The following ZSCAN31 variants were observed in gnomAD, a reference collection of about 807,000 sequenced individuals.
The protein encoded by ZSCAN31 is zinc finger and SCAN domain-containing protein 31.
In ZSCAN31, 14 loss-of-function variants were observed where a neutral mutation model predicts 22.5. The ratio of observed to expected loss-of-function variants is 0.62; its 90% CI spans 0.41 to 0.97. The LOEUF is 0.97. Ranked by LOEUF, ZSCAN31 falls within the 50% of genes least tolerant of loss-of-function variation. ZSCAN31 has a pLI of 0.00. For synonymous variants in ZSCAN31, 168 were observed against 169.8 expected, an observed-to-expected ratio of 0.99 and a Z score of 0.08; for missense variants, 424 against 483.4, an observed-to-expected ratio of 0.88 and a Z score of 1.15.
At chr6:28,339,750 C>G (rs374018478), upstream of ZSCAN31, among the ~76,000 whole-genome samples, 1 of 152,180 alleles carries the variant, frequency 6.6e-6, no homozygotes, top group Non-Finnish European at 1.5e-5. Flanking sequence ...CTAAAATTCT[C>G]TATTGTTATT....
intron 3 of ZSCAN31, among the ~76,000 whole-genome samples, chr6:28,341,227 C>G (rs1764399458): frequency 6.6e-6 from 1 of 152,194 alleles, no homozygotes; most frequent in Non-Finnish European, 1.5e-5. Context: ...TCACTTTACA[C>G]AATGTCTTAG....
At position 28,325,925 on chromosome 6, in the gene ZSCAN31, C is replaced by A. The variant is rs1467012319; in HGVS notation, c.*241G>T. ...AAGAAGGCCACCCAGCAACCCCCTA[C>A]AATCACAGTCATCCACACAGGAGAC... On this transcript the variant is annotated 3_prime_UTR_variant, in exon 4 of 4. Transcript: ENST00000344279. The A allele has an allele frequency of 1.1e-5, 4 of 367,110 alleles. No individual in the cohort carries two copies. The highest frequency in any genetic ancestry group is 8.1e-5 in the African/African-American group (4 of 49,268). 22.7% of individuals were successfully genotyped at this position (367,110 alleles called of 1,614,324 possible).
chr6:28,326,457 G>A lies in ZSCAN31; in HGVS notation c.930C>T (p.Leu310=). ...CTGTGTGGATTCTTCTGTGTCGAGT[G>A]AGGCCATTGCTGGCACTGAAGGCTT... The part of the protein sequence containing the change: ...CGKAFSASNG[L]TRHRRIHTGE... Residue 310 remains leucine, a synonymous_variant, in exon 4 of 4, where the codon CTC becomes CTT. Coordinates refer to ENST00000344279, the MANE Select transcript of ZSCAN31 (RefSeq NM_030899.5). 1 of 1,613,932 alleles carries A rather than the reference G, an allele frequency of 6.2e-7. No homozygotes were observed. The highest frequency in any genetic ancestry group is 1.1e-5 in the South Asian group (1 of 91,072).
chr6:28,344,868 G>A (rs192369572), intron 2 of ZSCAN31, among the ~76,000 whole-genome samples: 27 of 151,892 alleles, frequency 1.8e-4, no homozygotes, highest in African/African-American at 6.3e-4. Flanking sequence ...GGTGGCTCAC[G>A]CCTGTAATCC....
At chr6:28,337,514 A>G (rs535193250), upstream of ZSCAN31, among the ~76,000 whole-genome samples, 9 of 152,130 alleles carry the variant, frequency 5.9e-5, no homozygotes, top group Non-Finnish European at 1.3e-4. Flanking sequence ...AATAGAGAAG[A>G]CAGATAATAC....
In ZSCAN31 at chr6:28,326,378, A is replaced by G. The variant is rs1362198595; in HGVS notation, c.1009T>C (p.Cys337Arg). ...VCGKAFLLSSCLVQHQRIHTG... is the reference protein window; with the variant it reads ...VCGKAFLLSSRLVQHQRIHTG... ...TGTATCCTCTGATGCTGAACAAGGC[A>G]TGAGCTGAGGAGGAAAGCCTTCCCA... Residue 337 changes from cysteine to arginine, a missense_variant, in exon 4 of 4, where the codon TGC (cysteine) becomes CGC (arginine). Physicochemically the swap from Cys to Arg is radical, Grantham distance 180 (BLOSUM62 -3). Coordinates refer to ENST00000344279, the MANE Select transcript of ZSCAN31 (RefSeq NM_030899.5). 4 of 1,614,200 alleles carry G rather than the reference A, an allele frequency of 2.5e-6. No homozygotes were observed. Among genetic ancestry groups the G allele is most frequent in the Non-Finnish European group, 3.4e-6 (4 of 1,180,032 alleles).
rs376267017 is a variant in ZSCAN31, at chr6:28,326,798, C to T, written c.589G>A (p.Glu197Lys). The T allele has an allele frequency of 1.9e-6, 3 of 1,613,286 alleles. No homozygotes were observed. The African/African-American group carries it at 4.0e-5, about 22-fold the overall frequency. ...ELASKQEILK[E>K]MEHLGDSKLQ... ...TTGCTATCCCCCAAATGTTCCATTT[C>T]TTTTAAGATTTCTTGCTTTGATGCC... Residue 197 changes from glutamate (E) to lysine (K), a missense_variant, in exon 4 of 4, where the codon GAA becomes AAA. Coordinates refer to ENST00000344279, the MANE Select transcript of ZSCAN31 (RefSeq NM_030899.5).
At chr6:28,327,306 C>T (rs1440470537) in intron 3 of ZSCAN31, 77 bp downstream of exon 3, 1 of 1,524,208 alleles carries the variant, frequency 6.6e-7, no homozygotes, top group Non-Finnish European at 8.9e-7. Context: ...CAATTTAGCC[C>T]CAGAGTCCAC....
chr6:28,325,482 A>G lies in ZSCAN31; in HGVS notation c.*684T>C, dbSNP rs1208667764. ...TGTCAAACTCATATTAACTCATGAT[A>G]TCAACATATATATTGATTCGTATCA... On this transcript the variant is annotated 3_prime_UTR_variant, in exon 4 of 4. Transcript: ENST00000344279. The G allele has an allele frequency of 6.6e-6, 1 of 152,106 alleles. No homozygotes were observed. The highest frequency in any genetic ancestry group is 1.5e-5 in the Non-Finnish European group (1 of 68,024). The allele number at this position is 152,106 out of a possible 1,614,324, so 9.4% of individuals were successfully genotyped here.
In ZSCAN31 at chr6:28,329,360, C is replaced by T; in HGVS notation, c.324G>A (p.Glu108=). 1.9e-6 allele frequency: 3 copies of T among 1,612,820 alleles called. No homozygotes were observed. Among genetic ancestry groups the T allele is most frequent in the Non-Finnish European group, 2.5e-6 (3 of 1,179,424 alleles). ...WVREHHPESG[E]EAVAVVEDLE... ...GATCTTCAACTACAGCCACAGCCTC[C>T]TCCCCACTCTCCGGATGGTGCTCCC... Residue 108 remains glutamate (E), a synonymous_variant, in exon 2 of 4, where the codon GAG becomes GAA. Coordinates refer to ENST00000344279, the MANE Select transcript of ZSCAN31 (RefSeq NM_030899.5).
upstream of ZSCAN31, among the ~76,000 whole-genome samples, chr6:28,337,258 C>G (rs970469997): frequency 6.6e-6 from 1 of 152,208 alleles, no homozygotes; most frequent in Non-Finnish European, 1.5e-5. Context: ...ATCCAAAGAA[C>G]TGGGCTGATC....
chr6:28,356,174 A>C (rs183533685), upstream of ZSCAN31: 1 of 152,354 alleles, frequency 6.6e-6, no homozygotes, highest in East Asian at 1.9e-4. Flanking sequence ...CACCTGGGTC[A>C]GTTCCCAATC....
At position 28,324,739 on chromosome 6, in the gene ZSCAN31, T is replaced by C. The variant is rs748893699; in HGVS notation, c.*1427A>G. 25 of 152,224 alleles carry C rather than the reference T, an allele frequency of 1.6e-4. No individual in the cohort carries two copies. Among genetic ancestry groups the C allele is most frequent in the Non-Finnish European group, 2.9e-4 (20 of 68,028 alleles). 9.4% of individuals were successfully genotyped at this position (152,224 alleles called of 1,614,324 possible). The stretch of plus-strand genomic sequence containing the variant: ...AAAATAAACTTCAAAGCCAAAGGTT[T>C]AGGGCAGAACAGTTTTAAGCTGAAC... On this transcript the variant is annotated 3_prime_UTR_variant, in exon 4 of 4. Transcript: ENST00000344279. This position sits in a 1 kb window ranked among gnomAD's most constrained non-coding sequence, Gnocchi z 4.8.
intron 2 of ZSCAN31, among the ~76,000 whole-genome samples, chr6:28,343,012 G>C (rs537601503): frequency 1.3e-4 from 20 of 152,302 alleles, no homozygotes; most frequent in Non-Finnish European, 2.2e-4. Flanking sequence ...AGTTGACATT[G>C]ATACCTAGGT....
At chr6:28,345,492 G>A (rs1764608499) in intron 2 of ZSCAN31, among the ~76,000 whole-genome samples, 1 of 152,184 alleles carries the variant, frequency 6.6e-6, no homozygotes, top group Non-Finnish European at 1.5e-5. Context: ...ACAACTGAAT[G>A]TCCAACTTAC....
At position 28,351,465 on chromosome 6, in the gene ZSCAN31, G is replaced by A. The variant is rs1244089026; in HGVS notation, c.-371+2397C>T. Among the ~76,000 whole-genome samples, 1 of 152,122 alleles carries A rather than the reference G, an allele frequency of 6.6e-6. No homozygotes were observed. On this transcript the variant is annotated intron_variant, in intron 2 of 7. Transcript: ENST00000396838. The surrounding 1 kb of genome is among the most constrained non-coding windows in gnomAD (Gnocchi z 4.6). ...CAGGAAGGAAAGAAGTTAGGACATTGTTTAATTTTCTAAAATTTTGGAGAG... is the reference window on the plus strand; with the variant it reads ...CAGGAAGGAAAGAAGTTAGGACATTATTTAATTTTCTAAAATTTTGGAGAG...
chr6:28,326,935 G>A (rs943537921), intron 3 of ZSCAN31, 81 bp from the exon 4 acceptor site: 9 of 1,283,682 alleles, frequency 7.0e-6, no homozygotes, highest in African/African-American at 1.5e-5. Flanking sequence ...TAGAAAGATC[G>A]ATATCAAACA....
intron 2 of ZSCAN31, chr6:28,353,316 A>T (rs1765186408): frequency 6.5e-6 from 1 of 154,400 alleles, no homozygotes; most frequent in Admixed American, 6.4e-5. Context: ...AGAGGGACTT[A>T]CTGACATCCG....
In ZSCAN31 at chr6:28,351,772, G is replaced by A. The variant is rs1581713605; in HGVS notation, c.-371+2090C>T. 2.3e-5 allele frequency among the ~76,000 whole-genome samples: 3 copies of A among 132,812 alleles called. No individual in the cohort carries two copies. Among genetic ancestry groups the A allele is most frequent in the South Asian group, 2.3e-4 (1 of 4,280 alleles). 87.1% of individuals were successfully genotyped at this position (132,812 alleles called of 152,430 possible). On this transcript the variant is annotated intron_variant, in intron 2 of 7. Coordinates refer to the ZSCAN31 transcript ENST00000396838. This position sits in a 1 kb window ranked among gnomAD's most constrained non-coding sequence, Gnocchi z 4.6. ...TTTATCTCTTTTTTTTCCTCATTTC[G>A]TCCCTCTCTTCTCTTTCATTTTATA...
Sources: allele counts gnomAD v4.1 joint callset (sites outside exome capture counted in the v4.1 genomes callset), GRCh38; gene constraint gnomAD v4.1.1; non-coding constraint Gnocchi (gnomAD v3.1); transcripts MANE v1.5; gene names NCBI Gene and HGNC (gene_info 2026-07-23, HGNC 2026-07-21).